PI4KA: variants seen among roughly 807,000 people sequenced by gnomAD.
PI4KA encodes the protein PI4-kinase alpha.
PI4KA carries 122 observed loss-of-function variants against 271.4 expected under a neutral mutation model. The ratio of observed to expected loss-of-function variants is 0.45; its 90% CI spans 0.39 to 0.52. The LOEUF is 0.52. Among genes scored for constraint, PI4KA ranks in the 20% least tolerant of loss-of-function variants. The probability of loss-of-function intolerance (pLI) is 0.00; values close to 1 mark genes in which losing one functional copy is unlikely to be tolerated. For missense variants in PI4KA, 1,969 were observed against 2,769.1 expected (o/e 0.71, Z 6.48); for synonymous variants, 1,041 against 1,078.8 (o/e 0.96, Z 0.69).
At chr22:20,758,380 A>C (rs1931552246) in intron 23 of PI4KA, among the ~76,000 whole-genome samples, 1 of 148,336 alleles carries the variant, frequency 6.7e-6, no homozygotes, top group Admixed American at 6.8e-5. Context: ...AAAAAAAAAA[A>C]AAAAAAAAAC....
chr22:20,790,012 G>A (rs563922922), intron 19 of PI4KA, among the ~76,000 whole-genome samples: 1 of 152,316 alleles, frequency 6.6e-6, no homozygotes, highest in Admixed American at 6.5e-5. Context: ...ACTATTATAT[G>A]ACAGTGGAAC....
chr22:20,829,693 C>T (rs775922440), intron 3 of PI4KA, among the ~76,000 whole-genome samples: 3 of 151,688 alleles, frequency 2.0e-5, no homozygotes, highest in Non-Finnish European at 4.4e-5. Context: ...TTATCTTCTG[C>T]TAGCTTTGGG....
rs146663036 is a variant in PI4KA, at chr22:20,749,977, G to T, written c.3171C>A (p.Phe1057Leu). Reference protein sequence around the residue: ...YEARESIVKDFAARCGMILQE... With the variant: ...YEARESIVKDLAARCGMILQE... ...GGAGGATCATCCCACAGCGTGCAGC[G>T]AAGTCCTTCACAATGCTCTGGAAGA... Residue 1057 changes from phenylalanine (F) to leucine (L), a missense_variant, in exon 28 of 55, where the codon TTC (phenylalanine) becomes TTA (leucine). Phe to Leu is a conservative substitution (Grantham distance 22, BLOSUM62 0). This residue lies in a region of PI4KA where 368 missense variants were observed against 544.3 expected (regional missense o/e 0.68). Transcript: ENST00000255882. 6.2e-7 allele frequency: 1 copy of T among 1,612,832 alleles called. No individual in the cohort carries two copies. Among genetic ancestry groups the T allele is most frequent in the East Asian group, 2.2e-5 (1 of 44,874 alleles).
At chr22:20,719,846 G>A (rs1349329806) in intron 43 of PI4KA, among the ~76,000 whole-genome samples, 1 of 151,978 alleles carries the variant, frequency 6.6e-6, no homozygotes, top group Non-Finnish European at 1.5e-5. Context: ...CTAACATGGT[G>A]AAACACCGTC....
At chr22:20,751,398 C>G in intron 26 of PI4KA, 22 bp from the exon 27 acceptor site, 2 of 1,604,034 alleles carry the variant, frequency 1.2e-6, no homozygotes, top group Non-Finnish European at 1.7e-6. Context: ...GCAAGACTCC[C>G]TCTTCCAAAC....
At position 20,788,442 on chromosome 22, in the gene PI4KA, C is replaced by A. The variant is rs529309203; in HGVS notation, c.2328+4751G>T. Among the ~76,000 whole-genome samples the A allele has an allele frequency of 1.1e-4, 16 of 152,268 alleles. No individual in the cohort carries two copies. The South Asian group carries it at 2.9e-3, about 28-fold the overall frequency. Reference sequence around the variant, plus strand: ...CTCACAGAGTCTCCTTACCCTCAATCCCTAGGGGGCTGGCACTGTTACCCC... The same window carrying A: ...CTCACAGAGTCTCCTTACCCTCAATACCTAGGGGGCTGGCACTGTTACCCC... On this transcript the variant is annotated intron_variant, in intron 19 of 54. Coordinates refer to ENST00000255882, the MANE Select transcript of PI4KA (RefSeq NM_058004.4).
chr22:20,827,886 C>T (rs550695632), intron 3 of PI4KA, among the ~76,000 whole-genome samples: 88 of 152,258 alleles, frequency 5.8e-4, no homozygotes, highest in African/African-American at 2.1e-3. Context: ...CCTCCGCCTC[C>T]CAGGTTCAAG....
Position 20,742,652 on chromosome 22 carries a change from G to A in PI4KA, c.3569C>T (p.Thr1190Met), listed in dbSNP as rs766793742. 62 of 1,614,008 alleles carry A rather than the reference G, an allele frequency of 3.8e-5. No homozygotes were observed. The highest frequency in any genetic ancestry group is 9.9e-5 in the South Asian group (9 of 91,090). ...TGCGGTCAGCTTGAACATGGCCTGC[G>A]TGTAGTGCTGAGGATGACTGCGGTC... ...ALDRSHPQHYTQAMFKLTAML... is the reference protein window; with the variant it reads ...ALDRSHPQHYMQAMFKLTAML... The change falls in exon 31 of 55, where the codon ACG (threonine) becomes ATG (methionine). Residue 1190 changes from threonine to methionine, a missense_variant. Transcript: ENST00000255882.
Position 20,727,298 on chromosome 22 carries a change from A to T in PI4KA, c.4873T>A (p.Ser1625Thr). The change falls in exon 41 of 55, where the codon TCC becomes ACC. Residue 1625 changes from serine (S) to threonine (T), a missense_variant. By Grantham distance (58) the Ser-to-Thr change is moderately conservative. Transcript: ENST00000255882. ...TDPPTGLSYF[S>T]SMYPPHPLTA... is the part of the protein sequence containing the mutation. ...AGAGGGTGCGGCGGGTACATGCTGG[A>T]GAAGTAGGAGAGGCCTGTGGGTGGG... The T allele has an allele frequency of 6.2e-7, 1 of 1,612,762 alleles. No homozygotes were observed. Among genetic ancestry groups the T allele is most frequent in the Non-Finnish European group, 8.5e-7 (1 of 1,179,884 alleles).
chr22:20,803,260 G>A lies in PI4KA; in HGVS notation c.1522C>T (p.Arg508Ter), dbSNP rs778382310. Reference sequence around the variant, plus strand: ...GGGGACGGGATGACCAGGAAGTCTCGCAAGGACGGTGTCACAGAGTGCACC... The same window carrying A: ...GGGGACGGGATGACCAGGAAGTCTCACAAGGACGGTGTCACAGAGTGCACC... ...VVVHSVTPSL[R>*]DFLVIPSPVL... The change falls in exon 13 of 55, where the codon CGA (arginine) becomes TGA (stop). Residue 508 changes from arginine to a stop codon, truncating the protein, a stop_gained. Coordinates refer to ENST00000255882, the MANE Select transcript of PI4KA (RefSeq NM_058004.4). LOFTEE classifies it high-confidence loss of function. 16 of 1,613,972 alleles carry A rather than the reference G, an allele frequency of 9.9e-6. No homozygotes were observed. The highest frequency in any genetic ancestry group is 2.2e-5 in the East Asian group (1 of 44,888).
intron 23 of PI4KA, among the ~76,000 whole-genome samples, chr22:20,760,017 A>T (rs1160845036): frequency 3.3e-5 from 5 of 152,128 alleles, no homozygotes; most frequent in African/African-American, 9.7e-5. Context: ...TCAACAAAAG[A>T]AAAAATGGTA....
chr22:20,784,190 G>A (rs779910229), intron 19 of PI4KA: 5 of 1,614,038 alleles, frequency 3.1e-6, no homozygotes, highest in East Asian at 2.2e-5. Context: ...GAAGACCCTC[G>A]AAGCGCAACT....
chr22:20,784,204 A>C, intron 19 of PI4KA: 8 of 1,614,030 alleles, frequency 5.0e-6, no homozygotes, highest in Non-Finnish European at 6.8e-6. Flanking sequence ...CGCAACTGAC[A>C]CCCCGGGTGG....
At chr22:20,725,348 T>C (rs1049931185) in intron 42 of PI4KA, 2 of 211,996 alleles carry the variant, frequency 9.4e-6, no homozygotes, top group African/African-American at 4.6e-5. Flanking sequence ...TTCTGTGCCA[T>C]GACCTGTGCT....
intron 19 of PI4KA, among the ~76,000 whole-genome samples, chr22:20,774,632 G>A (rs976803479): frequency 2.6e-5 from 4 of 151,924 alleles, no homozygotes; most frequent in East Asian, 1.9e-4. Flanking sequence ...GTGGTGGCAC[G>A]CGCCTGTAAT....
chr22:20,795,407 C>T (rs1332948228), intron 18 of PI4KA, among the ~76,000 whole-genome samples: 1 of 151,906 alleles, frequency 6.6e-6, no homozygotes, highest in East Asian at 1.9e-4. Flanking sequence ...TGACCCAACC[C>T]CAGCCAATAA....
chr22:20,721,669 G>C (rs757396348), intron 42 of PI4KA: 68 of 478,188 alleles, frequency 1.4e-4, no homozygotes, highest in Non-Finnish European at 2.4e-4. Flanking sequence ...TGTCTCCTCT[G>C]TGTCTTCCCA....
rs778434448 is a variant in PI4KA at position 20,712,486 on chromosome 22, C to T, written c.5802G>A (p.Gln1934=). ...CCCGGCCTGTGGCCACCCTGGCTAC[C>T]TGCTGGAAGGCCAGAGTGGACTCAT... ...YGDESTLAFQ[Q]ARYNFIRSMA... The change falls in exon 50 of 55, where the codon CAG becomes CAA. Residue 1934 remains glutamine, a splice_region_variant and synonymous_variant. Coordinates refer to ENST00000255882, the MANE Select transcript of PI4KA (RefSeq NM_058004.4). The T allele has an allele frequency of 3.1e-6, 5 of 1,608,084 alleles. No homozygotes were observed. The highest frequency in any genetic ancestry group is 3.4e-6 in the Non-Finnish European group (4 of 1,178,006).
At chr22:20,820,691 G>T in intron 4 of PI4KA, 80 bp from the exon 5 acceptor site, 1 of 991,604 alleles carries the variant, frequency 1.0e-6, no homozygotes, top group Non-Finnish European at 1.6e-6. Context: ...AGAATTAGAA[G>T]GCACTTCAGA....
Sources: gnomAD v4.1 joint callset for allele counts (sites outside exome capture counted in the v4.1 genomes callset) on GRCh38, gnomAD v4.1.1 for gene constraint, gnomAD v4.1.1 regional missense constraint, MANE v1.5 for transcripts, NCBI Gene and HGNC (gene_info 2026-07-23, HGNC 2026-07-21) for gene names.